MVB12B: variants seen among roughly 807,000 people sequenced by gnomAD.
The protein encoded by MVB12B is ESCRT-I complex subunit MVB12B.
MVB12B carries 16 observed loss-of-function variants against 41.6 expected under a neutral mutation model. That is an observed-to-expected ratio of 0.38 (90% CI 0.26 to 0.58). MVB12B has a LOEUF of 0.58. MVB12B is among the 20% of genes least tolerant of loss of function. The pLI, the probability that MVB12B is intolerant of heterozygous loss-of-function variation, is 0.62. For missense variants in MVB12B, 274 were observed against 380.2 expected, an observed-to-expected ratio of 0.72 and a Z score of 2.32; for synonymous variants, 133 against 139.7, an observed-to-expected ratio of 0.95 and a Z score of 0.34.
intron 2 of MVB12B, among the ~76,000 whole-genome samples, chr9:126,355,673 G>A (rs565699166): frequency 1.3e-5 from 2 of 152,126 alleles, no homozygotes; most frequent in African/African-American, 4.8e-5. Context: ...TTTTTAGGCC[G>A]CATTCTCTTT....
chr9:126,404,468 C>T (rs1307788113), intron 6 of MVB12B, among the ~76,000 whole-genome samples: 10 of 152,338 alleles, frequency 6.6e-5, no homozygotes, highest in African/African-American at 2.2e-4. Context: ...CATCAGGGAG[C>T]CAAGCATGTG....
rs200495397 is a variant in MVB12B at position 126,396,487 on chromosome 9, C to A, written c.662+790C>A. On this transcript the variant is annotated intron_variant, in intron 6 of 9. Transcript: ENST00000361171. Reference sequence around the variant, plus strand: ...ATGAGAATGGATCTCCAAGCTTCCACGTGGGTGAATAGAGATGAACAAAAT... The same window carrying A: ...ATGAGAATGGATCTCCAAGCTTCCAAGTGGGTGAATAGAGATGAACAAAAT... The A allele has an allele frequency of 3.0e-6, 3 of 985,356 alleles. No individual in the cohort carries two copies. The African/African-American group carries it at 5.2e-5, about 17-fold the overall frequency. 61.0% of individuals were successfully genotyped at this position (985,356 alleles called of 1,614,324 possible).
At chr9:126,443,455 A>C (rs187373555) in intron 7 of MVB12B, among the ~76,000 whole-genome samples, 24 of 152,272 alleles carry the variant, frequency 1.6e-4, no homozygotes, top group Admixed American at 1.0e-3. Context: ...CCTAGACCAA[A>C]CAGTTCATTG....
rs145121360 is a variant in MVB12B, at chr9:126,484,281, A to G, written c.873+249A>G. Among the ~76,000 whole-genome samples the G allele has an allele frequency of 2.2e-4, 34 of 152,396 alleles. No homozygotes were observed. In the East Asian group the frequency reaches 5.8e-3, roughly 26 times the overall value. On this transcript the variant is annotated intron_variant, in intron 9 of 9. Coordinates refer to ENST00000361171, the MANE Select transcript of MVB12B (RefSeq NM_033446.3). ...TCTTCTCTAAGTCAGAATGTTTTAC[A>G]TGACAGACAGAGCCTCAGTTCTCCT...
rs1830889613 is a variant in MVB12B at position 126,389,662 on chromosome 9, T to G, written c.410-2404T>G. Among the ~76,000 whole-genome samples the G allele has an allele frequency of 6.6e-6, 1 of 152,180 alleles. No individual in the cohort carries two copies. The highest frequency in any genetic ancestry group is 6.5e-5 in the Admixed American group (1 of 15,284). On this transcript the variant is annotated intron_variant, in intron 4 of 9. Transcript: ENST00000361171. The surrounding 1 kb of genome is among the most constrained non-coding windows in gnomAD (Gnocchi z 4.4). ...GTTTTCTTTGTGTAAAGGTCTCTCTTCTTCGTGCTTTCTAAGGCCGATCTG... is the reference window on the plus strand; with the variant it reads ...GTTTTCTTTGTGTAAAGGTCTCTCTGCTTCGTGCTTTCTAAGGCCGATCTG...
intron 2 of MVB12B, among the ~76,000 whole-genome samples, chr9:126,344,357 C>T (rs1043554017): frequency 6.6e-6 from 1 of 152,224 alleles, no homozygotes; most frequent in African/African-American, 2.4e-5. Flanking sequence ...ATAATTCTGA[C>T]AGCATGAACC....
intron 9 of MVB12B, among the ~76,000 whole-genome samples, chr9:126,492,925 G>A (rs569754935): frequency 1.3e-5 from 2 of 152,300 alleles, no homozygotes; most frequent in South Asian, 2.1e-4. Flanking sequence ...TCACGCGAGC[G>A]TCTTCTGCTC....
chr9:126,372,155 T>A (rs1013684017), intron 2 of MVB12B, among the ~76,000 whole-genome samples: 1 of 152,258 alleles, frequency 6.6e-6, no homozygotes, highest in Non-Finnish European at 1.5e-5. Flanking sequence ...TTTGTGTCTA[T>A]CTTATTTTAT....
chr9:126,400,956 C>G (rs1418693973), intron 6 of MVB12B, among the ~76,000 whole-genome samples: 1 of 152,218 alleles, frequency 6.6e-6, no homozygotes, highest in Non-Finnish European at 1.5e-5. Context: ...CGGGACATCT[C>G]ATGTTTATGT....
At chr9:126,403,672 T>G (rs1369142899) in intron 6 of MVB12B, among the ~76,000 whole-genome samples, 1 of 152,218 alleles carries the variant, frequency 6.6e-6, no homozygotes, top group Non-Finnish European at 1.5e-5. Context: ...AGCAAGTACT[T>G]TCAACCATGT....
At chr9:126,388,219 A>G (rs1264471487) in intron 4 of MVB12B, among the ~76,000 whole-genome samples, 2 of 152,080 alleles carry the variant, frequency 1.3e-5, no homozygotes, top group Admixed American at 1.3e-4. Flanking sequence ...CGCCAGCCCT[A>G]GGCAACCACT....
chr9:126,422,054 C>G, intron 7 of MVB12B, 106 bp downstream of exon 7: 1 of 803,998 alleles, frequency 1.2e-6, no homozygotes, highest in Non-Finnish European at 2.1e-6. Context: ...CCTTACCTCT[C>G]TTTTCTTCCC....
At position 126,333,609 on chromosome 9, in the gene MVB12B, G is replaced by A. The variant is rs922673812; in HGVS notation, c.81+6599G>A. On this transcript the variant is annotated intron_variant, in intron 1 of 9. Coordinates refer to ENST00000361171, the MANE Select transcript of MVB12B (RefSeq NM_033446.3). This position sits in a 1 kb window ranked among gnomAD's most constrained non-coding sequence, Gnocchi z 4.7. ...AGTAGAGATGCGGTTTTGCCATGTT[G>A]GCCAGGCTGGTCTCAAACTCCTGAC... Among the ~76,000 whole-genome samples, 21 of 152,048 alleles carry A rather than the reference G, an allele frequency of 1.4e-4. No individual in the cohort carries two copies. The highest frequency in any genetic ancestry group is 3.4e-3 in the Middle Eastern group (1 of 294).
In MVB12B at chr9:126,488,972, A is replaced by G. The variant is rs184281524; in HGVS notation, c.873+4940A>G. ...GGGAGCTCCCCAGAGCTAGCCAAGC[A>G]GAGCTGCCTCCACCCCCACAAGGAC... On this transcript the variant is annotated intron_variant, in intron 9 of 9. Transcript: ENST00000361171. Among the ~76,000 whole-genome samples the G allele has an allele frequency of 5.3e-3, 800 of 152,304 alleles. 8 individuals are homozygous for G. The highest frequency in any genetic ancestry group is 0.017 in the Middle Eastern group (5 of 294).
rs1212274080 is a variant in MVB12B at position 126,504,606 on chromosome 9, C to T, written c.*1343C>T. 1 of 152,822 alleles carries T rather than the reference C, an allele frequency of 6.5e-6. No homozygotes were observed. The highest frequency in any genetic ancestry group is 1.5e-5 in the Non-Finnish European group (1 of 68,196). 9.5% of individuals were successfully genotyped at this position (152,822 alleles called of 1,614,324 possible). On this transcript the variant is annotated 3_prime_UTR_variant, in exon 10 of 10. Transcript: ENST00000361171. The stretch of plus-strand genomic sequence containing the variant: ...CCAGAGGAACGGGAGGAAAGGGAGG[C>T]AGCGCCGGACGGCGCAGCTGGCCAA...
At chr9:126,360,390 A>C (rs1393837420) in intron 2 of MVB12B, among the ~76,000 whole-genome samples, 1 of 152,194 alleles carries the variant, frequency 6.6e-6, no homozygotes, top group Admixed American at 6.5e-5. Flanking sequence ...TTATGTTTTC[A>C]ACTCTTGAAA....
chr9:126,399,629 G>A (rs564739792), intron 6 of MVB12B, among the ~76,000 whole-genome samples: 55 of 152,308 alleles, frequency 3.6e-4, no homozygotes, highest in African/African-American at 1.3e-3. Context: ...TGGGACAGAG[G>A]TTGGGAAGAG....
chr9:126,484,096 C>G, intron 9 of MVB12B, 64 bp downstream of exon 9: 1 of 1,485,122 alleles, frequency 6.7e-7, no homozygotes, highest in Non-Finnish European at 9.4e-7. Context: ...CGGCGTCTCT[C>G]GTGTGTTCCC....
Position 126,391,197 on chromosome 9 carries a change from G to A in MVB12B, c.410-869G>A, listed in dbSNP as rs1415212507. On this transcript the variant is annotated intron_variant, in intron 4 of 9. Transcript: ENST00000361171. This position sits in a 1 kb window ranked among gnomAD's most constrained non-coding sequence, Gnocchi z 4.4. ...GACTTACGTGTACCCCGGACGGCGT[G>A]CATGCCTAAAAAACCTAACCTGAGT... Among the ~76,000 whole-genome samples the A allele has an allele frequency of 2.0e-5, 3 of 152,150 alleles. No individual in the cohort carries two copies. The highest frequency in any genetic ancestry group is 3.9e-4 in the East Asian group (2 of 5,190).
Sources: gnomAD v4.1 joint callset for allele counts (sites outside exome capture counted in the v4.1 genomes callset) on GRCh38, gnomAD v4.1.1 for gene constraint, Gnocchi (gnomAD v3.1) non-coding constraint, MANE v1.5 for transcripts, NCBI Gene and HGNC (gene_info 2026-07-23, HGNC 2026-07-21) for gene names.